The following ZBTB20 variants were observed in gnomAD, a reference collection of about 807,000 sequenced individuals.
ZBTB20 encodes zinc finger and BTB domain-containing protein 20.
ZBTB20 carries 9 observed loss-of-function variants against 56.9 expected under a neutral mutation model. The ratio of observed to expected loss-of-function variants is 0.16; its 90% CI spans 0.10 to 0.28. ZBTB20 has a LOEUF of 0.28. ZBTB20 is among the 10% of genes least tolerant of loss of function. The pLI, the probability that ZBTB20 is intolerant of heterozygous loss-of-function variation, is 1.00. For synonymous variants in ZBTB20, 417 were observed against 420.7 expected (o/e 0.99, Z 0.11); for missense variants, 655 against 1,003.0 (o/e 0.65, Z 4.69).
At chr3:114,668,275 C>T (rs766707123) in intron 6 of ZBTB20, among the ~76,000 whole-genome samples, 2 of 151,946 alleles carry the variant, frequency 1.3e-5, no homozygotes, top group Non-Finnish European at 1.5e-5. Flanking sequence ...CACTGTATGA[C>T]GTTGGGCAAG....
chr3:115,060,014 A>T (rs1225831537), intron 2 of ZBTB20, among the ~76,000 whole-genome samples: 1 of 152,084 alleles, frequency 6.6e-6, no homozygotes, highest in East Asian at 1.9e-4. Flanking sequence ...TCTCACCCAA[A>T]CCACTGATAT....
chr3:114,642,036 A>G (rs767861841), intron 6 of ZBTB20, among the ~76,000 whole-genome samples: 3 of 152,014 alleles, frequency 2.0e-5, no homozygotes, highest in African/African-American at 4.8e-5. Flanking sequence ...TGTAGTACCT[A>G]GTTTGAGGCC....
At chr3:115,048,196 G>C (rs940025678) in intron 2 of ZBTB20, among the ~76,000 whole-genome samples, 1 of 152,160 alleles carries the variant, frequency 6.6e-6, no homozygotes, top group African/African-American at 2.4e-5. Context: ...CTGCACTCCA[G>C]CCTGGGCGAC....
intron 7 of ZBTB20, among the ~76,000 whole-genome samples, chr3:114,403,319 T>C (rs1204500283): frequency 1.3e-5 from 2 of 152,102 alleles, no homozygotes; most frequent in Non-Finnish European, 2.9e-5. Context: ...AAACACCAAG[T>C]ACAGCTGGTT....
intron 1 of ZBTB20, among the ~76,000 whole-genome samples, chr3:115,132,709 G>A (rs2084541408): frequency 6.6e-6 from 1 of 152,018 alleles, no homozygotes. Flanking sequence ...AGGCTGCAGT[G>A]ATCCCTGATC....
At chr3:114,348,618 C>G (rs2080386283) in intron 11 of ZBTB20, among the ~76,000 whole-genome samples, 2 of 152,194 alleles carry the variant, frequency 1.3e-5, no homozygotes, top group Non-Finnish European at 2.9e-5. Flanking sequence ...AAAGTACATA[C>G]ATTAATTTAC....
chr3:114,516,838 C>G (rs1465000550), intron 6 of ZBTB20, among the ~76,000 whole-genome samples: 1 of 152,190 alleles, frequency 6.6e-6, no homozygotes, highest in Non-Finnish European at 1.5e-5. Context: ...AGTCACGGAA[C>G]TCACAGCCTT....
chr3:115,096,845 C>T lies in ZBTB20; in HGVS notation c.-702-25431G>A, dbSNP rs147536224. Among the ~76,000 whole-genome samples, 102 of 152,216 alleles carry T rather than the reference C, an allele frequency of 6.7e-4. 1 individual carries two copies. The highest frequency in any genetic ancestry group is 3.4e-3 in the Middle Eastern group (1 of 294). On this transcript the variant is annotated intron_variant, in intron 1 of 11. Transcript: ENST00000675478. The stretch of plus-strand genomic sequence containing the variant: ...TATGTAGTGCCAGATTTTATGAATA[C>T]GAGAATTTGTTAATTAGCACAAGGA...
At chr3:114,765,766 T>C (rs548834843) in intron 5 of ZBTB20, among the ~76,000 whole-genome samples, 20 of 152,266 alleles carry the variant, frequency 1.3e-4, no homozygotes, top group Middle Eastern at 6.8e-3. Context: ...TCAATATGCT[T>C]TTGCAGAAAT....
At chr3:115,077,679 C>T (rs1186521629) in intron 1 of ZBTB20, among the ~76,000 whole-genome samples, 1 of 152,108 alleles carries the variant, frequency 6.6e-6, no homozygotes, top group Non-Finnish European at 1.5e-5. Context: ...CAAATTACAA[C>T]CACAATGAGG....
intron 1 of ZBTB20, among the ~76,000 whole-genome samples, chr3:115,118,480 T>C (rs1184588030): frequency 1.3e-5 from 2 of 152,220 alleles, no homozygotes; most frequent in African/African-American, 2.4e-5. Flanking sequence ...ACTGTCACTC[T>C]GTAATCATAC....
At chr3:115,024,662 G>A (rs2080345965) in intron 2 of ZBTB20, among the ~76,000 whole-genome samples, 1 of 151,004 alleles carries the variant, frequency 6.6e-6, no homozygotes, top group African/African-American at 2.4e-5. Context: ...AGAACTGGTT[G>A]CTAGTGATGG....
chr3:114,713,095 T>A (rs1187009056), intron 5 of ZBTB20, among the ~76,000 whole-genome samples: 2 of 152,216 alleles, frequency 1.3e-5, no homozygotes, highest in Non-Finnish European at 2.9e-5. Flanking sequence ...GTATACCATA[T>A]GAAGTGCAAA....
At chr3:114,480,770 G>A (rs1577002892) in intron 7 of ZBTB20, among the ~76,000 whole-genome samples, 2 of 151,878 alleles carry the variant, frequency 1.3e-5, no homozygotes. Context: ...GAACACATAG[G>A]GATGTCAGCA....
chr3:114,971,012 CAAA>C (rs59884793), intron 3 of ZBTB20, among the ~76,000 whole-genome samples: 1 of 122,702 alleles, frequency 8.1e-6, no homozygotes, highest in Non-Finnish European at 1.8e-5. Flanking sequence ...GAGACTCCGT[CAAA>C]AAAAAAAAAA....
At chr3:114,344,559 T>C (rs910254352) in intron 11 of ZBTB20, among the ~76,000 whole-genome samples, 1 of 152,218 alleles carries the variant, frequency 6.6e-6, no homozygotes, top group African/African-American at 2.4e-5. Context: ...TGTTATTCAA[T>C]TCAAAGAGCA....
chr3:114,524,904 A>G (rs1231606284), intron 6 of ZBTB20, among the ~76,000 whole-genome samples: 2 of 152,012 alleles, frequency 1.3e-5, no homozygotes, highest in Admixed American at 1.3e-4. Flanking sequence ...AGTAGAGACG[A>G]GGTTTCACTA....
intron 5 of ZBTB20, among the ~76,000 whole-genome samples, chr3:114,773,732 CA>C (rs1393665650): frequency 6.6e-6 from 1 of 151,894 alleles, no homozygotes; most frequent in Non-Finnish European, 1.5e-5. Flanking sequence ...ATTTAAGAAA[CA>C]ATGAAAAAAA....
intron 4 of ZBTB20, among the ~76,000 whole-genome samples, chr3:114,820,747 T>G (rs2073193301): frequency 6.6e-6 from 1 of 152,094 alleles, no homozygotes; most frequent in African/African-American, 2.4e-5. Flanking sequence ...TTGAGATACT[T>G]GACTTTTTTT....
Sources: gnomAD v4.1 joint callset for allele counts (sites outside exome capture counted in the v4.1 genomes callset) on GRCh38, gnomAD v4.1.1 for gene constraint, MANE v1.5 for transcripts, NCBI Gene and HGNC (gene_info 2026-07-23, HGNC 2026-07-21) for gene names.